PDS5A: variants seen among roughly 807,000 people sequenced by gnomAD.
PDS5A encodes PDS5 cohesin associated factor A, also known as sister chromatid cohesion protein PDS5 homolog A.
A neutral mutation model predicts 167.1 loss-of-function variants in PDS5A; 42 were observed. The observed-to-expected ratio is 0.25, with a 90% CI of 0.20 to 0.33. The LOEUF is 0.33. PDS5A is among the 10% of genes least tolerant of loss of function. The probability of loss-of-function intolerance (pLI) is 1.00; values close to 1 mark genes in which losing one functional copy is unlikely to be tolerated. For synonymous variants in PDS5A, 553 were observed against 554.6 expected, an observed-to-expected ratio of 1.00 and a Z score of 0.04; for missense variants, 1,033 against 1,605.9, an observed-to-expected ratio of 0.64 and a Z score of 6.10.
intron 2 of PDS5A, among the ~76,000 whole-genome samples, chr4:39,954,827 G>A (rs529225236): frequency 8.6e-5 from 13 of 151,604 alleles, no homozygotes; most frequent in South Asian, 2.1e-4. Flanking sequence ...GGAGGATCAC[G>A]TGAGTCCAGG....
chr4:39,927,316 G>A (rs1725562829), intron 3 of PDS5A, among the ~76,000 whole-genome samples: 1 of 152,172 alleles, frequency 6.6e-6, no homozygotes, highest in African/African-American at 2.4e-5. Flanking sequence ...AAAGGCAACA[G>A]ACTAGTCCAA....
At chr4:39,899,594 C>G (rs1722702422) in intron 14 of PDS5A, among the ~76,000 whole-genome samples, 1 of 152,050 alleles carries the variant, frequency 6.6e-6, no homozygotes, top group African/African-American at 2.4e-5. Flanking sequence ...CACCTGTAAT[C>G]CTAGCAATTT....
rs1458077596 is a variant in PDS5A, at chr4:39,977,820, C to T, written c.-404G>A. ...GACCGCCGACTCGGACCCGGACGCC[C>T]CTCGCAGAGGCGCGCGCCCGGCCGT... On this transcript the variant is annotated 5_prime_UTR_variant, in exon 1 of 33. Transcript: ENST00000303538. The surrounding 1 kb of genome is among the most constrained non-coding windows in gnomAD (Gnocchi z 4.2). The T allele has an allele frequency of 2.0e-5, 3 of 149,654 alleles. No individual in the cohort carries two copies. Among genetic ancestry groups the T allele is most frequent in the African/African-American group, 7.3e-5 (3 of 41,190 alleles). The allele number at this position is 149,654 out of a possible 1,614,324, so 9.3% of individuals were successfully genotyped here.
At chr4:39,949,180 T>C (rs903876992) in intron 2 of PDS5A, among the ~76,000 whole-genome samples, 3 of 150,496 alleles carry the variant, frequency 2.0e-5, no homozygotes, top group Non-Finnish European at 2.9e-5. Context: ...CACATGTCCA[T>C]AGTCCCAGCT....
chr4:39,892,736 C>T (rs1367269127), intron 16 of PDS5A, among the ~76,000 whole-genome samples: 1 of 152,188 alleles, frequency 6.6e-6, no homozygotes. Context: ...AGATATAATG[C>T]ATATCCAGGT....
intron 17 of PDS5A, among the ~76,000 whole-genome samples, chr4:39,889,728 G>T (rs1721804054): frequency 6.6e-6 from 1 of 152,136 alleles, no homozygotes; most frequent in East Asian, 1.9e-4. Context: ...CATCCAACAA[G>T]ATTTTATGCC....
chr4:39,876,336 G>A (rs890520746), intron 19 of PDS5A, among the ~76,000 whole-genome samples: 5 of 152,150 alleles, frequency 3.3e-5, no homozygotes, highest in Non-Finnish European at 5.9e-5. Context: ...AATGGACACT[G>A]AATTATTTCA....
At chr4:39,864,565 G>A (rs928571311) in intron 23 of PDS5A, among the ~76,000 whole-genome samples, 7 of 152,132 alleles carry the variant, frequency 4.6e-5, no homozygotes, top group Non-Finnish European at 1.0e-4. Context: ...ACCACTTTAC[G>A]AAATGCAGAA....
At chr4:39,836,554 C>A (rs1038644286) in intron 32 of PDS5A, among the ~76,000 whole-genome samples, 11 of 151,494 alleles carry the variant, frequency 7.3e-5, no homozygotes, top group Admixed American at 1.3e-4. Context: ...TCTGTCTCAG[C>A]CTCCTGAGTA....
chr4:39,937,272 T>G (rs1216088958), intron 2 of PDS5A, among the ~76,000 whole-genome samples: 3 of 152,150 alleles, frequency 2.0e-5, no homozygotes, highest in African/African-American at 7.2e-5. Flanking sequence ...CACTCTCACT[T>G]GGGAAATTCC....
At chr4:39,862,780 T>C (rs944377977) in intron 25 of PDS5A, 89 bp downstream of exon 25, 1 of 766,976 alleles carries the variant, frequency 1.3e-6, no homozygotes, top group South Asian at 1.7e-5. Flanking sequence ...TTATAAACTA[T>C]AATAGAAACA....
At chr4:39,975,345 T>G (rs1257562009) in intron 2 of PDS5A, among the ~76,000 whole-genome samples, 3 of 152,158 alleles carry the variant, frequency 2.0e-5, no homozygotes, top group Admixed American at 2.0e-4. Context: ...ACAGGAATAT[T>G]TTAAATACTG....
At chr4:39,913,562 TACTG>T (rs778126660) in intron 9 of PDS5A, 45 bp downstream of exon 9, 33 of 982,804 alleles carry the variant, frequency 3.4e-5, no homozygotes, top group Middle Eastern at 2.1e-4. Flanking sequence ...GACTGCACCC[TACTG>T]ACTATTTTCT....
At chr4:39,861,486 T>G (rs761912631) in intron 26 of PDS5A, among the ~76,000 whole-genome samples, 1 of 152,134 alleles carries the variant, frequency 6.6e-6, no homozygotes, top group Non-Finnish European at 1.5e-5. Flanking sequence ...AGAGACTGGT[T>G]AATGGGTACA....
intron 31 of PDS5A, 94 bp from the exon 32 acceptor site, chr4:39,838,302 T>A (rs1475234049): frequency 1.0e-6 from 1 of 991,320 alleles, no homozygotes; most frequent in African/African-American, 1.6e-5. Flanking sequence ...TTTAAAGGAG[T>A]CTGGATTTGA....
intron 13 of PDS5A, 32 bp downstream of exon 13, chr4:39,902,315 A>C: frequency 1.0e-6 from 1 of 976,012 alleles, no homozygotes; most frequent in Non-Finnish European, 1.6e-6. Flanking sequence ...AAATCCTTAG[A>C]AAATACAGCA....
At position 39,823,883 on chromosome 4, in the gene PDS5A, T is replaced by A. The variant is rs926558962; in HGVS notation, c.*1602A>T. On this transcript the variant is annotated 3_prime_UTR_variant, in exon 33 of 33. Coordinates refer to ENST00000303538, the MANE Select transcript of PDS5A (RefSeq NM_001100399.2). ...AACTCTTGATTATCTATGAGAAACGTAAGTGACATTTACTCTCAAACTTCA... is the reference window on the plus strand; with the variant it reads ...AACTCTTGATTATCTATGAGAAACGAAAGTGACATTTACTCTCAAACTTCA... 7 of 152,548 alleles carry A rather than the reference T, an allele frequency of 4.6e-5. No homozygotes were observed. Among genetic ancestry groups the A allele is most frequent in the Admixed American group, 1.3e-4 (2 of 15,280 alleles). The allele number at this position is 152,548 out of a possible 1,614,324, so 9.4% of individuals were successfully genotyped here. A position where few individuals can be genotyped will look rare whatever the true frequency, so the allele number is the denominator to read the frequency against.
chr4:39,874,674 C>T (rs563473879), intron 19 of PDS5A, among the ~76,000 whole-genome samples: 2 of 152,282 alleles, frequency 1.3e-5, no homozygotes, highest in East Asian at 3.9e-4. Context: ...AAATAACAAG[C>T]AACCCTTAAT....
chr4:39,826,746 A>G (rs1715364198), intron 32 of PDS5A, among the ~76,000 whole-genome samples: 1 of 151,978 alleles, frequency 6.6e-6, no homozygotes, highest in Non-Finnish European at 1.5e-5. Context: ...CGGCCTCCCA[A>G]AGTGCTGGGA....
Sources: allele counts gnomAD v4.1 joint callset (sites outside exome capture counted in the v4.1 genomes callset), GRCh38; gene constraint gnomAD v4.1.1; non-coding constraint Gnocchi (gnomAD v3.1); transcripts MANE v1.5; gene names NCBI Gene and HGNC (gene_info 2026-07-23, HGNC 2026-07-21).